Variants in SGCZ observed in about 807,000 individuals in gnomAD.
The protein encoded by SGCZ is zeta-sarcoglycan.
In SGCZ, 40 loss-of-function variants were observed where a neutral mutation model predicts 41.3. The observed-to-expected ratio is 0.97, with a 90% CI of 0.75 to 1.26. The LOEUF is 1.26. Among genes scored for constraint, SGCZ ranks in the 50% most tolerant of loss-of-function variants. The probability of loss-of-function intolerance (pLI) is 0.00; values close to 1 mark genes in which losing one functional copy is unlikely to be tolerated. For synonymous variants in SGCZ, 206 were observed against 137.5 expected, an observed-to-expected ratio of 1.50 and a Z score of -3.49; for missense variants, 552 against 369.8, an observed-to-expected ratio of 1.49 and a Z score of -4.04.
In SGCZ at chr8:14,664,573, G is replaced by C. The variant is rs530794266; in HGVS notation, c.40-109647C>G. The stretch of plus-strand genomic sequence containing the variant: ...ACATCATACTTTAAGGAGGACAAGA[G>C]CTCAAATCATCAACACCTATTCTTC... On this transcript the variant is annotated intron_variant, in intron 1 of 7. Transcript: ENST00000382080. Among the ~76,000 whole-genome samples the C allele has an allele frequency of 5.9e-5, 9 of 152,204 alleles. 1 individual carries two copies. The highest frequency in any genetic ancestry group is 4.6e-4 in the Admixed American group (7 of 15,270).
At chr8:14,265,680 A>G (rs1799843767) in intron 3 of SGCZ, among the ~76,000 whole-genome samples, 3 of 152,058 alleles carry the variant, frequency 2.0e-5, no homozygotes, top group Admixed American at 1.3e-4. Context: ...TTCCCTAAAC[A>G]GTAAAAAGGT....
intron 1 of SGCZ, among the ~76,000 whole-genome samples, chr8:15,047,523 C>A (rs1220114029): frequency 6.6e-6 from 1 of 151,952 alleles, no homozygotes; most frequent in Non-Finnish European, 1.5e-5. Flanking sequence ...ATTATGTGGA[C>A]CTTTAAAGTC....
At chr8:14,264,326 G>A (rs1294745536) in intron 3 of SGCZ, among the ~76,000 whole-genome samples, 1 of 152,108 alleles carries the variant, frequency 6.6e-6, no homozygotes, top group Non-Finnish European at 1.5e-5. Context: ...GACCAGCATC[G>A]GGTCCTTCAC....
chr8:14,135,134 A>G (rs1219879399), intron 5 of SGCZ, among the ~76,000 whole-genome samples: 1 of 152,208 alleles, frequency 6.6e-6, no homozygotes, highest in Non-Finnish European at 1.5e-5. Context: ...GATAAATTCC[A>G]TTACGCTTTC....
chr8:14,516,122 T>C (rs564850334), intron 2 of SGCZ, among the ~76,000 whole-genome samples: 2 of 149,780 alleles, frequency 1.3e-5, no homozygotes, highest in African/African-American at 2.4e-5. Context: ...TTTTTTTTTC[T>C]ATGTCTGTGG....
chr8:14,164,550 A>G, intron 5 of SGCZ, 30 bp downstream of exon 5: 2 of 1,611,972 alleles, frequency 1.2e-6, no homozygotes, highest in East Asian at 2.2e-5. Flanking sequence ...AAAGAAGTAA[A>G]CAATTTTTCA....
chr8:14,326,950 G>A (rs1418547487), intron 2 of SGCZ, among the ~76,000 whole-genome samples: 1 of 151,984 alleles, frequency 6.6e-6, no homozygotes, highest in Non-Finnish European at 1.5e-5. Flanking sequence ...TGCTAGACAG[G>A]AATGACAGAA....
rs533212013 is a variant in SGCZ, at chr8:15,035,336, T to G, written c.39+202249A>C. Among the ~76,000 whole-genome samples, 13 of 152,220 alleles carry G rather than the reference T, an allele frequency of 8.5e-5. No homozygotes were observed. The East Asian group carries it at 2.1e-3, about 25-fold the overall frequency. On this transcript the variant is annotated intron_variant, in intron 1 of 7. Coordinates refer to ENST00000382080, the MANE Select transcript of SGCZ (RefSeq NM_139167.4). ...CTTCATAGTAACCATAAAGCAAAAG[T>G]CTACAGTTGATGCACAAAATATAAA...
chr8:14,687,792 C>G (rs923435154), intron 1 of SGCZ, among the ~76,000 whole-genome samples: 1 of 151,960 alleles, frequency 6.6e-6, no homozygotes, highest in East Asian at 1.9e-4. Context: ...AATGGATGAA[C>G]TAGTTTACAG....
At chr8:14,571,996 A>G (rs1340070602) in intron 1 of SGCZ, among the ~76,000 whole-genome samples, 3 of 152,222 alleles carry the variant, frequency 2.0e-5, no homozygotes, top group Non-Finnish European at 4.4e-5. Context: ...CTGATTGTTT[A>G]AAATACTTAA....
intron 1 of SGCZ, among the ~76,000 whole-genome samples, chr8:14,728,021 A>T (rs1215435225): frequency 2.0e-5 from 3 of 152,188 alleles, no homozygotes; most frequent in Admixed American, 1.3e-4. Context: ...TGATGCGTCC[A>T]TTTATATGAA....
chr8:14,561,391 T>G lies in SGCZ; in HGVS notation c.40-6465A>C, dbSNP rs183042490. On this transcript the variant is annotated intron_variant, in intron 1 of 7. Coordinates refer to ENST00000382080, the MANE Select transcript of SGCZ (RefSeq NM_139167.4). ...GAACAGTTAAGTGGATTTCAGAGAGTTGATCACAATTTTCTGAGAGACAAT... is the reference window on the plus strand; with the variant it reads ...GAACAGTTAAGTGGATTTCAGAGAGGTGATCACAATTTTCTGAGAGACAAT... Among the ~76,000 whole-genome samples the G allele has an allele frequency of 2.0e-5, 3 of 152,162 alleles. No individual in the cohort carries two copies. The East Asian group carries it at 5.8e-4, about 29-fold the overall frequency.
intron 2 of SGCZ, among the ~76,000 whole-genome samples, chr8:14,468,869 G>A (rs370814088): frequency 3.3e-5 from 5 of 151,984 alleles, no homozygotes; most frequent in African/African-American, 1.2e-4. Flanking sequence ...AACAAATAAT[G>A]AATATAAAGT....
chr8:14,442,230 A>T (rs1800291391), intron 2 of SGCZ, among the ~76,000 whole-genome samples: 1 of 152,178 alleles, frequency 6.6e-6, no homozygotes. Context: ...GGTGGCAGGT[A>T]ATTGAATCAT....
intron 1 of SGCZ, among the ~76,000 whole-genome samples, chr8:14,695,982 C>T (rs1480486611): frequency 6.6e-6 from 1 of 152,054 alleles, no homozygotes; most frequent in Non-Finnish European, 1.5e-5. Flanking sequence ...ATTACCATAT[C>T]AGTGAAATTT....
At chr8:14,982,567 C>T (rs1801702833) in intron 1 of SGCZ, among the ~76,000 whole-genome samples, 1 of 152,170 alleles carries the variant, frequency 6.6e-6, no homozygotes, top group Admixed American at 6.5e-5. Context: ...TCTTCTACCT[C>T]CTCTCTCCTC....
chr8:14,864,625 A>G (rs1803863504), intron 1 of SGCZ, among the ~76,000 whole-genome samples: 1 of 152,162 alleles, frequency 6.6e-6, no homozygotes, highest in Non-Finnish European at 1.5e-5. Context: ...AGTCAGAGAA[A>G]TAATAACAGG....
chr8:14,876,460 T>C (rs150883701), intron 1 of SGCZ, among the ~76,000 whole-genome samples: 3,432 of 152,166 alleles, frequency 0.023, 46 homozygotes, highest in Middle Eastern at 0.044. Flanking sequence ...AACAGCTAAC[T>C]AAACCCAAGA....
At chr8:14,814,204 C>G (rs756488183) in intron 1 of SGCZ, among the ~76,000 whole-genome samples, 5 of 152,094 alleles carry the variant, frequency 3.3e-5, no homozygotes, top group Non-Finnish European at 5.9e-5. Context: ...AACGTCTCAT[C>G]TCAGAACAAA....
Sources: allele counts gnomAD v4.1 joint callset (sites outside exome capture counted in the v4.1 genomes callset), GRCh38; gene constraint gnomAD v4.1.1; transcripts MANE v1.5; gene names NCBI Gene and HGNC (gene_info 2026-07-23, HGNC 2026-07-21).